The following DSCAML1 variants were observed in gnomAD, a reference collection of about 807,000 sequenced individuals.
DSCAML1 encodes DS cell adhesion molecule like 1.
Under a neutral mutation model 200.5 loss-of-function variants are expected in DSCAML1, and 38 were observed. The ratio of observed to expected loss-of-function variants is 0.19; its 90% confidence interval spans 0.15 to 0.25. The LOEUF (loss-of-function observed/expected upper bound fraction) is 0.25. DSCAML1 is among the 10% of genes least tolerant of loss of function. The probability of loss-of-function intolerance (pLI) is 1.00; values close to 1 mark genes in which losing one functional copy is unlikely to be tolerated. For missense variants in DSCAML1, 2,223 were observed against 2,858.8 expected (o/e 0.78, Z 5.07); for synonymous variants, 1,215 against 1,165.0 (o/e 1.04, Z -0.87).
intron 19 of DSCAML1, among the ~76,000 whole-genome samples, chr11:117,455,809 C>T (rs1048901121): frequency 1.3e-5 from 2 of 149,108 alleles, no homozygotes; most frequent in African/African-American, 5.0e-5. Flanking sequence ...GTAAAAACTT[C>T]CACCTATGAA....
intron 20 of DSCAML1, among the ~76,000 whole-genome samples, chr11:117,448,665 C>T (rs768180915): frequency 1.1e-4 from 16 of 151,188 alleles, no homozygotes; most frequent in South Asian, 2.1e-4. Context: ...TGGGGGGAGA[C>T]GGGAAAACAG....
At chr11:117,755,499 C>T (rs562425690) in intron 3 of DSCAML1, among the ~76,000 whole-genome samples, 162 of 152,310 alleles carry the variant, frequency 1.1e-3, no homozygotes, top group Middle Eastern at 6.8e-3. Flanking sequence ...ATCCCTGCCC[C>T]CCGTCTCCTC....
chr11:117,433,257 C>A lies in DSCAML1; in HGVS notation c.4908-1G>T. 1 of 1,607,548 alleles carries A rather than the reference C, an allele frequency of 6.2e-7. No individual in the cohort carries two copies. Among genetic ancestry groups the A allele is most frequent in the South Asian group, 1.1e-5 (1 of 90,222 alleles). On this transcript the variant is annotated splice_acceptor_variant, in intron 28 of 32. Transcript: ENST00000651296. LOFTEE classifies it high-confidence loss of function. The stretch of plus-strand genomic sequence containing the variant: ...GGTGTCAAAGCTTCTATTGTTCTTG[C>A]TGTGGGGAGAAAGACTGGAGGTGGT...
intron 8 of DSCAML1, among the ~76,000 whole-genome samples, chr11:117,513,503 G>A (rs1258486260): frequency 6.6e-6 from 1 of 152,156 alleles, no homozygotes; most frequent in East Asian, 1.9e-4. Flanking sequence ...CACTTTGGGA[G>A]GCCAAGGTGT....
At chr11:117,718,667 AACCC>A (rs1374113722) in intron 3 of DSCAML1, among the ~76,000 whole-genome samples, 2 of 22,270 alleles carry the variant, frequency 9.0e-5, no homozygotes, top group Non-Finnish European at 9.3e-5. Flanking sequence ...GAATACTCAA[AACCC>A]CCCCCCCCCC....
chr11:117,707,920 A>G (rs1024584123), intron 3 of DSCAML1, among the ~76,000 whole-genome samples: 1 of 152,206 alleles, frequency 6.6e-6, no homozygotes, highest in African/African-American at 2.4e-5. Flanking sequence ...CTTATCTTGG[A>G]GAAGTGAGTG....
intron 3 of DSCAML1, among the ~76,000 whole-genome samples, chr11:117,696,308 C>G (rs1354582456): frequency 6.6e-6 from 1 of 152,152 alleles, no homozygotes; most frequent in Non-Finnish European, 1.5e-5. Flanking sequence ...GGGCATCTCA[C>G]CCCTGAGTGG....
At chr11:117,470,759 C>A (rs1397179927) in intron 15 of DSCAML1, among the ~76,000 whole-genome samples, 1 of 152,148 alleles carries the variant, frequency 6.6e-6, no homozygotes, top group East Asian at 1.9e-4. Flanking sequence ...ATGGACAAAT[C>A]CCCTGTGGTA....
rs573521516 is a variant in DSCAML1 at position 117,464,026 on chromosome 11, A to T, written c.3265+916T>A. 3.7e-4 allele frequency among the ~76,000 whole-genome samples: 57 copies of T among 152,288 alleles called. No homozygotes were observed. In the Middle Eastern group the frequency reaches 0.014, roughly 36 times the overall value. On this transcript the variant is annotated intron_variant, in intron 17 of 32. Coordinates refer to ENST00000651296, the MANE Select transcript of DSCAML1 (RefSeq NM_020693.4). ...AGAGAGGATGAGCTAGGAGGAGGACATTGCTTCCTCTAAAGGAATAGCTTT... is the reference window on the plus strand; with the variant it reads ...AGAGAGGATGAGCTAGGAGGAGGACTTTGCTTCCTCTAAAGGAATAGCTTT...
chr11:117,559,868 G>A (rs1013291463), intron 3 of DSCAML1, among the ~76,000 whole-genome samples: 3 of 152,136 alleles, frequency 2.0e-5, no homozygotes. Flanking sequence ...TGGCTGGGGT[G>A]AGAGGGAGGG....
chr11:117,802,708 T>A (rs995829467), intron 1 of DSCAML1, among the ~76,000 whole-genome samples: 2 of 152,184 alleles, frequency 1.3e-5, no homozygotes, highest in Non-Finnish European at 2.9e-5. Context: ...TGAGCCCGCA[T>A]CACTGTGGTC....
chr11:117,646,270 G>A (rs2052520667), intron 3 of DSCAML1, among the ~76,000 whole-genome samples: 1 of 152,038 alleles, frequency 6.6e-6, no homozygotes, highest in South Asian at 2.1e-4. Flanking sequence ...GGTGGCTGCA[G>A]AGTCCCGGGA....
chr11:117,471,998 G>A lies in DSCAML1; in HGVS notation c.2824C>T (p.Pro942Ser). ...ACAATGTTGGCCTGGTTGATGGTGG[G>A]GGAGATGTTGCGTGTGGACTGCTTG... Reference protein sequence around the residue: ...DFKQSTRNISPTINQANIVDL... With the variant: ...DFKQSTRNISSTINQANIVDL... Residue 942 changes from proline (P) to serine (S), a missense_variant, in exon 15 of 33, where the codon CCC becomes TCC. Physicochemically the swap from Pro to Ser is moderately conservative, Grantham distance 74 (BLOSUM62 -1). Transcript: ENST00000651296. The A allele has an allele frequency of 6.2e-7, 1 of 1,614,112 alleles. No homozygotes were observed.
chr11:117,595,059 TACACACACACAC>T (rs374932790), intron 3 of DSCAML1, among the ~76,000 whole-genome samples: 10 of 143,816 alleles, frequency 7.0e-5, no homozygotes, highest in East Asian at 4.1e-4. Flanking sequence ...GTCTTTCTCT[TACACACACACAC>T]ACACACACAC....
chr11:117,577,570 CCTTT>C (rs1411748255), intron 3 of DSCAML1, among the ~76,000 whole-genome samples: 2 of 135,204 alleles, frequency 1.5e-5, no homozygotes, highest in East Asian at 2.3e-4. Context: ...TTCCTTCTTT[CCTTT>C]CTTTTTTTTT....
intron 1 of DSCAML1, among the ~76,000 whole-genome samples, chr11:117,795,738 C>T (rs1200112636): frequency 6.6e-6 from 1 of 152,196 alleles, no homozygotes; most frequent in Non-Finnish European, 1.5e-5. Flanking sequence ...TTTCCCCCAA[C>T]CCACGATGTA....
chr11:117,612,401 A>G (rs2051714264), intron 3 of DSCAML1, among the ~76,000 whole-genome samples: 1 of 152,160 alleles, frequency 6.6e-6, no homozygotes, highest in Non-Finnish European at 1.5e-5. Flanking sequence ...GCGTTATGCT[A>G]TCAATCTATT....
intron 2 of DSCAML1, among the ~76,000 whole-genome samples, chr11:117,779,692 C>A (rs756341083): frequency 1.3e-5 from 2 of 152,096 alleles, no homozygotes; most frequent in Non-Finnish European, 2.9e-5. Context: ...CCGTTGGACA[C>A]CATTTGTATA....
intron 3 of DSCAML1, among the ~76,000 whole-genome samples, chr11:117,712,508 T>C (rs1409780262): frequency 6.6e-6 from 1 of 152,124 alleles, no homozygotes; most frequent in African/African-American, 2.4e-5. Context: ...ATTTATGAAG[T>C]GCTGGTTTCT....
Sources: gnomAD v4.1 joint callset for allele counts (sites outside exome capture counted in the v4.1 genomes callset) on GRCh38, gnomAD v4.1.1 for gene constraint, MANE v1.5 for transcripts, NCBI Gene and HGNC (gene_info 2026-07-23, HGNC 2026-07-21) for gene names.